The following YWHAG variants were observed in gnomAD, a reference collection of about 807,000 sequenced individuals.
YWHAG encodes tyrosine 3-monooxygenase/tryptophan 5-monooxygenase activation protein gamma.
YWHAG carries 1 observed loss-of-function variant against 23.3 expected under a neutral mutation model. The ratio of observed to expected loss-of-function variants is 0.04; its 90% CI spans 0.02 to 0.20. The LOEUF (loss-of-function observed/expected upper bound fraction) is 0.20, where lower values mean the gene tolerates loss of function less well. Among genes scored for constraint, YWHAG ranks in the 10% least tolerant of loss-of-function variants. YWHAG has a pLI of 1.00. For missense variants in YWHAG, 151 were observed against 338.6 expected, an observed-to-expected ratio of 0.45 and a Z score of 4.35; for synonymous variants, 160 against 144.0, an observed-to-expected ratio of 1.11 and a Z score of -0.80.
At chr7:76,344,536 G>C (rs142170966) in intron 1 of YWHAG, among the ~76,000 whole-genome samples, 4 of 152,016 alleles carry the variant, frequency 2.6e-5, no homozygotes, top group African/African-American at 7.2e-5. Flanking sequence ...AAATTAGTTC[G>C]ATCAAAATTA....
intron 1 of YWHAG, among the ~76,000 whole-genome samples, chr7:76,331,708 T>C (rs2115593485): frequency 6.6e-6 from 1 of 152,234 alleles, no homozygotes; most frequent in East Asian, 1.9e-4. Flanking sequence ...TTTTTTTCTA[T>C]GTTTGAATCA....
At chr7:76,339,081 A>C (rs1380001693) in intron 1 of YWHAG, among the ~76,000 whole-genome samples, 1 of 152,138 alleles carries the variant, frequency 6.6e-6, no homozygotes, top group East Asian at 1.9e-4. Context: ...AAAAGCCCAA[A>C]GCCAGTAATT....
At chr7:76,348,970 T>A (rs1803828702) in intron 1 of YWHAG, among the ~76,000 whole-genome samples, 1 of 152,138 alleles carries the variant, frequency 6.6e-6, no homozygotes. Context: ...ATGGGAAAAG[T>A]ACATAAAAAT....
At chr7:76,338,876 A>G (rs1368701110) in intron 1 of YWHAG, among the ~76,000 whole-genome samples, 1 of 152,222 alleles carries the variant, frequency 6.6e-6, no homozygotes, top group Non-Finnish European at 1.5e-5. Flanking sequence ...GGCACTAAAA[A>G]TCACCTGTGC....
chr7:76,357,706 C>T (rs984467529), intron 1 of YWHAG, among the ~76,000 whole-genome samples: 4 of 152,138 alleles, frequency 2.6e-5, no homozygotes, highest in Non-Finnish European at 5.9e-5. Flanking sequence ...AAGACTTTTT[C>T]CCCTTTAAAA....
At position 76,329,674 on chromosome 7, in the gene YWHAG, T is replaced by C; in HGVS notation, c.647A>G (p.Tyr216Cys). 6.2e-7 allele frequency: 1 copy of C among 1,614,248 alleles called. No homozygotes were observed. The highest frequency in any genetic ancestry group is 8.5e-7 in the Non-Finnish European group (1 of 1,180,044). The change falls in exon 2 of 2, where the codon TAC becomes TGC. Residue 216 changes from tyrosine to cysteine, a missense_variant. Coordinates refer to ENST00000307630, the MANE Select transcript of YWHAG (RefSeq NM_012479.4). This position sits in a 1 kb window ranked among gnomAD's most constrained non-coding sequence, Gnocchi z 6.1. ...CTGCATGATGAGCGTGGAGTCCTTGTAGGAGTCCTCGTTGAGGGTGTCAAG... is the reference window on the plus strand; with the variant it reads ...CTGCATGATGAGCGTGGAGTCCTTGCAGGAGTCCTCGTTGAGGGTGTCAAG... ...AELDTLNEDS[Y>C]KDSTLIMQLL...
intron 1 of YWHAG, among the ~76,000 whole-genome samples, chr7:76,332,501 A>G (rs1283236518): frequency 2.0e-5 from 3 of 152,134 alleles, no homozygotes; most frequent in Non-Finnish European, 2.9e-5. Flanking sequence ...ATATACAGGT[A>G]TATCAGACAA....
Position 76,358,968 on chromosome 7 carries a change from C to T in YWHAG, c.-160G>A, listed in dbSNP as rs374407682. The T allele has an allele frequency of 7.0e-6, 4 of 568,066 alleles. No individual in the cohort carries two copies. Among genetic ancestry groups the T allele is most frequent in the Admixed American group, 4.3e-5 (1 of 23,116 alleles). The allele number at this position is 568,066 out of a possible 1,614,324, so 35.2% of individuals were successfully genotyped here. A position where few individuals can be genotyped will look rare whatever the true frequency, so the allele number is the denominator to read the frequency against. ...GAGGAGGCGGCTGGAGCTGCGACCG[C>T]GGGACCGGGCGCGAGGCGGCTGCGG... On this transcript the variant is annotated 5_prime_UTR_variant, in exon 1 of 2. Coordinates refer to ENST00000307630, the MANE Select transcript of YWHAG (RefSeq NM_012479.4).
At chr7:76,332,798 A>G (rs1803564419) in intron 1 of YWHAG, among the ~76,000 whole-genome samples, 2 of 150,814 alleles carry the variant, frequency 1.3e-5, no homozygotes, top group East Asian at 4.0e-4. Context: ...CCTCCCCCCA[A>G]GTTCAAGCGA....
intron 1 of YWHAG, among the ~76,000 whole-genome samples, chr7:76,350,129 T>C (rs199970858): frequency 6.6e-6 from 1 of 152,182 alleles, no homozygotes; most frequent in East Asian, 1.9e-4. Context: ...CTTTATTTTG[T>C]ATGTTTGAAA....
intron 1 of YWHAG, among the ~76,000 whole-genome samples, chr7:76,342,208 A>G (rs1323856628): frequency 6.6e-6 from 1 of 152,224 alleles, no homozygotes; most frequent in East Asian, 1.9e-4. Flanking sequence ...ATCATAAAAG[A>G]AAGATGAAAA....
At chr7:76,346,249 C>T (rs943186613) in intron 1 of YWHAG, among the ~76,000 whole-genome samples, 1 of 152,154 alleles carries the variant, frequency 6.6e-6, no homozygotes, top group Non-Finnish European at 1.5e-5. Context: ...CTGGTCTTTC[C>T]TTCCTCGTTC....
At chr7:76,356,366 A>T (rs1803957437) in intron 1 of YWHAG, among the ~76,000 whole-genome samples, 1 of 152,236 alleles carries the variant, frequency 6.6e-6, no homozygotes, top group Admixed American at 6.5e-5. Flanking sequence ...GATTTGAAAA[A>T]AGGTTTTTAT....
At chr7:76,341,824 T>A (rs1803698195) in intron 1 of YWHAG, among the ~76,000 whole-genome samples, 1 of 152,152 alleles carries the variant, frequency 6.6e-6, no homozygotes, top group Non-Finnish European at 1.5e-5. Flanking sequence ...GTTATGCAAG[T>A]CTGAACATAC....
At chr7:76,336,386 C>T (rs892087096) in intron 1 of YWHAG, among the ~76,000 whole-genome samples, 3 of 150,656 alleles carry the variant, frequency 2.0e-5, no homozygotes, top group African/African-American at 7.3e-5. Context: ...TTGTGTGGGG[C>T]AGGGGGTATA....
chr7:76,353,810 T>C (rs1803908460), intron 1 of YWHAG, among the ~76,000 whole-genome samples: 1 of 152,082 alleles, frequency 6.6e-6, no homozygotes, highest in Admixed American at 6.6e-5. Context: ...GGCTCACACC[T>C]GTAATCCCAG....
chr7:76,358,713 G>A lies in YWHAG; in HGVS notation c.87+9C>T. On this transcript the variant is annotated intron_variant, in intron 1 of 1. Coordinates refer to ENST00000307630, the MANE Select transcript of YWHAG (RefSeq NM_012479.4). ...CAGGGAGCGGCGGGGGAGGGGAGGA[G>A]ACACTCACGTTCTTCATGGCCGCGG... The A allele has an allele frequency of 1.9e-6, 3 of 1,578,362 alleles. No homozygotes were observed. Among genetic ancestry groups the A allele is most frequent in the Non-Finnish European group, 2.6e-6 (3 of 1,162,502 alleles).
At chr7:76,352,517 T>C (rs915980946) in intron 1 of YWHAG, among the ~76,000 whole-genome samples, 2 of 152,194 alleles carry the variant, frequency 1.3e-5, no homozygotes, top group African/African-American at 2.4e-5. Context: ...AAAATGGGCT[T>C]TCTCTCTCCA....
At position 76,329,498 on chromosome 7, in the gene YWHAG, C is replaced by T. The variant is rs1803508365; in HGVS notation, c.*79G>A. On this transcript the variant is annotated 3_prime_UTR_variant, in exon 2 of 2. Coordinates refer to ENST00000307630, the MANE Select transcript of YWHAG (RefSeq NM_012479.4). The surrounding 1 kb of genome is among the most constrained non-coding windows in gnomAD (Gnocchi z 6.1). ...AGGTCATCCCTCCCTTTCCCTCCCC[C>T]ACCCGACCCCCAACTCATGGGAAAA... The T allele has an allele frequency of 3.3e-6, 4 of 1,215,294 alleles. No individual in the cohort carries two copies. The highest frequency in any genetic ancestry group is 4.4e-6 in the Non-Finnish European group (4 of 901,456). The allele number at this position is 1,215,294 out of a possible 1,614,324, so 75.3% of individuals were successfully genotyped here.
Sources: gnomAD v4.1 joint callset for allele counts (sites outside exome capture counted in the v4.1 genomes callset) on GRCh38, gnomAD v4.1.1 for gene constraint, Gnocchi (gnomAD v3.1) non-coding constraint, MANE v1.5 for transcripts, NCBI Gene and HGNC (gene_info 2026-07-23, HGNC 2026-07-21) for gene names.